Variants in MCTP1 observed in about 807,000 individuals in gnomAD.
The protein encoded by MCTP1 is multiple C2 and transmembrane domain containing 1.
MCTP1 carries 69 observed loss-of-function variants against 120.6 expected under a neutral mutation model. The observed-to-expected ratio is 0.57, with a 90% CI of 0.47 to 0.70. The LOEUF (loss-of-function observed/expected upper bound fraction) is 0.70. Ranked by LOEUF, MCTP1 falls within the 30% of genes least tolerant of loss-of-function variation. The pLI is 0.00. For missense variants in MCTP1, 1,203 were observed against 1,248.8 expected (o/e 0.96, Z 0.55); for synonymous variants, 529 against 493.1 (o/e 1.07, Z -0.96).
At chr5:94,728,914 C>T (rs1334886085) in intron 19 of MCTP1, among the ~76,000 whole-genome samples, 1 of 152,124 alleles carries the variant, frequency 6.6e-6, no homozygotes, top group Non-Finnish European at 1.5e-5. Context: ...ATTTATTGAA[C>T]ACCAACTACA....
chr5:95,024,135 G>A (rs752068670), intron 1 of MCTP1: 4 of 431,648 alleles, frequency 9.3e-6, no homozygotes, highest in Non-Finnish European at 1.4e-5. Context: ...TGCTTTTGTT[G>A]CCTCTGCTTT....
At chr5:94,801,221 C>T (rs138019507) in intron 17 of MCTP1, among the ~76,000 whole-genome samples, 1,647 of 152,232 alleles carry the variant, frequency 0.011, 11 homozygotes, top group Non-Finnish European at 0.017. Flanking sequence ...TCCGTAGAGC[C>T]TGGAACAGTA....
intron 1 of MCTP1, among the ~76,000 whole-genome samples, chr5:95,231,209 A>T (rs1026421316): frequency 1.3e-5 from 2 of 152,180 alleles, no homozygotes; most frequent in Non-Finnish European, 2.9e-5. Flanking sequence ...AGCTCTATAC[A>T]CTTAGAATAT....
At chr5:94,879,359 T>C (rs1799581568) in intron 12 of MCTP1, among the ~76,000 whole-genome samples, 1 of 152,060 alleles carries the variant, frequency 6.6e-6, no homozygotes, top group Non-Finnish European at 1.5e-5. Flanking sequence ...ATGCAGGACA[T>C]TTAGCATCCC....
chr5:94,903,173 G>GT (rs776792726), intron 10 of MCTP1, among the ~76,000 whole-genome samples: 22 of 151,554 alleles, frequency 1.5e-4, no homozygotes, highest in African/African-American at 4.9e-4. Context: ...AAAATACAAT[G>GT]TTTTTTTTAA....
chr5:94,772,462 A>T (rs927163120), intron 19 of MCTP1, among the ~76,000 whole-genome samples: 1 of 152,102 alleles, frequency 6.6e-6, no homozygotes, highest in East Asian at 1.9e-4. Context: ...TTCTGATCAC[A>T]TTAGGCCCAA....
At chr5:94,927,701 A>G (rs992993911) in intron 6 of MCTP1, among the ~76,000 whole-genome samples, 1 of 152,162 alleles carries the variant, frequency 6.6e-6, no homozygotes, top group Non-Finnish European at 1.5e-5. Flanking sequence ...CTCCACCGTT[A>G]GTTAAATTAA....
chr5:95,229,760 G>T (rs1323442643), intron 1 of MCTP1, among the ~76,000 whole-genome samples: 1 of 151,918 alleles, frequency 6.6e-6, no homozygotes, highest in Non-Finnish European at 1.5e-5. Flanking sequence ...AAAAAGATTG[G>T]TTACACAGTA....
At chr5:94,898,793 T>C (rs572453509) in intron 10 of MCTP1, among the ~76,000 whole-genome samples, 1 of 152,360 alleles carries the variant, frequency 6.6e-6, no homozygotes, top group African/African-American at 2.4e-5. Flanking sequence ...TCAGATTCCC[T>C]TGGTTCTAGA....
intron 1 of MCTP1, among the ~76,000 whole-genome samples, chr5:95,052,306 G>A (rs1746179434): frequency 6.6e-6 from 1 of 152,182 alleles, no homozygotes. Flanking sequence ...CCATGGCAAT[G>A]TCCTGGGATC....
At chr5:95,095,605 G>C (rs1756201347) in intron 1 of MCTP1, among the ~76,000 whole-genome samples, 1 of 152,146 alleles carries the variant, frequency 6.6e-6, no homozygotes, top group African/African-American at 2.4e-5. Flanking sequence ...CTACCTTTAC[G>C]AAAAGAAGGT....
intron 1 of MCTP1, among the ~76,000 whole-genome samples, chr5:95,243,403 C>T (rs868123603): frequency 2.0e-5 from 3 of 152,020 alleles, no homozygotes; most frequent in Non-Finnish European, 4.4e-5. Flanking sequence ...AAAAGAGGGA[C>T]GTTCAGCACT....
chr5:95,003,043 C>G (rs543106155), intron 2 of MCTP1, among the ~76,000 whole-genome samples: 1 of 152,260 alleles, frequency 6.6e-6, no homozygotes, highest in South Asian at 2.1e-4. Flanking sequence ...TTATAAGCAT[C>G]TGACATTTCC....
chr5:95,110,353 G>A (rs1035672434), intron 1 of MCTP1, among the ~76,000 whole-genome samples: 2 of 152,002 alleles, frequency 1.3e-5, no homozygotes, highest in African/African-American at 4.8e-5. Context: ...TATTAGAGAT[G>A]TGTGTCACTT....
At chr5:95,068,956 CTTTT>C (rs11357469) in intron 1 of MCTP1, 527 of 192,792 alleles carry the variant, frequency 2.7e-3, no homozygotes, top group South Asian at 7.0e-3. Context: ...GAGCAGGTAT[CTTTT>C]TTTTTTTTTT....
intron 1 of MCTP1, among the ~76,000 whole-genome samples, chr5:95,135,532 G>A (rs1290217886): frequency 7.9e-5 from 12 of 152,168 alleles, no homozygotes; most frequent in Admixed American, 7.9e-4. Context: ...AGTGGGCTGG[G>A]GAAGGCAGAC....
chr5:94,743,653 T>C (rs958292379), intron 19 of MCTP1, among the ~76,000 whole-genome samples: 2 of 148,200 alleles, frequency 1.3e-5, no homozygotes, highest in Non-Finnish European at 3.0e-5. Context: ...TTTTTTTTTT[T>C]TTGAGATGGA....
At chr5:94,769,321 T>A (rs1334736338) in intron 19 of MCTP1, among the ~76,000 whole-genome samples, 1 of 152,148 alleles carries the variant, frequency 6.6e-6, no homozygotes, top group Non-Finnish European at 1.5e-5. Context: ...TAGCACAGTA[T>A]GGTGACTATA....
intron 2 of MCTP1, among the ~76,000 whole-genome samples, chr5:94,992,000 A>T (rs1831653589): frequency 6.6e-6 from 1 of 152,234 alleles, no homozygotes; most frequent in Non-Finnish European, 1.5e-5. Flanking sequence ...TATTTTTCCC[A>T]TGTGAGGCAG....
Sources: allele counts gnomAD v4.1 joint callset (sites outside exome capture counted in the v4.1 genomes callset), GRCh38; gene constraint gnomAD v4.1.1; transcripts MANE v1.5; gene names NCBI Gene and HGNC (gene_info 2026-07-23, HGNC 2026-07-21).